Variants in OTC observed in about 807,000 individuals in gnomAD.
OTC encodes the protein ornithine transcarbamylase, mitochondrial.
OTC carries 3 observed loss-of-function variants against 30.3 expected under a neutral mutation model. The ratio of observed to expected loss-of-function variants is 0.10; its 90% CI spans 0.05 to 0.26. OTC has a LOEUF of 0.26. Ranked by LOEUF, OTC falls within the 10% of genes least tolerant of loss-of-function variation. The probability of loss-of-function intolerance (pLI) is 1.00; values close to 1 mark genes in which losing one functional copy is unlikely to be tolerated. For missense variants in OTC, 194 were observed against 260.3 expected (o/e 0.75, Z 1.75); for synonymous variants, 111 against 99.7 (o/e 1.11, Z -0.67).
chrX:38,359,604 A>C (rs1026119749), intron 1 of OTC, among the ~76,000 whole-genome samples: 8 of 110,010 alleles, frequency 7.3e-5, no homozygotes, highest in Non-Finnish European at 1.3e-4. Context: ...TATTTTTAGT[A>C]GAGACGGGGT....
At chrX:38,345,186 T>C in the OTC span, among the ~76,000 whole-genome samples, 1 of 112,190 alleles carries the variant, frequency 8.9e-6, no homozygotes, top group Non-Finnish European at 1.9e-5. Flanking sequence ...TTTGCAAAAT[T>C]ATGACAGACA....
chrX:38,403,487 A>C (rs2068499944), intron 5 of OTC, 131 bp from the exon 6 acceptor site: 29 of 671,790 alleles, frequency 4.3e-5, no homozygotes, highest in Non-Finnish European at 6.6e-5. Context: ...GTAATGCAAA[A>C]AAATTGGGAA....
intron 3 of OTC, among the ~76,000 whole-genome samples, chrX:38,374,170 A>G (rs1047986460): frequency 2.7e-5 from 3 of 112,210 alleles, no homozygotes; most frequent in African/African-American, 9.7e-5. Flanking sequence ...CTCAAAAAAA[A>G]GAAAAAAAGA....
At chrX:38,387,159 G>T (rs777556939) in intron 4 of OTC, among the ~76,000 whole-genome samples, 46 of 110,537 alleles carry the variant, frequency 4.2e-4, no homozygotes, top group Non-Finnish European at 7.4e-4. Flanking sequence ...TTATTTTTTT[G>T]CTGTTAAATT....
chrX:38,385,990 GGCAGGAGAATT>G (rs1569276314), intron 4 of OTC, among the ~76,000 whole-genome samples: 1 of 110,260 alleles, frequency 9.1e-6, no homozygotes, highest in Non-Finnish European at 1.9e-5. Flanking sequence ...GGGAGGCTGA[GGCAGGAGAATT>G]GCTTGAGCCC....
chrX:38,374,392 C>G (rs111450888), intron 3 of OTC, among the ~76,000 whole-genome samples: 208 of 109,878 alleles, frequency 1.9e-3, no homozygotes, highest in African/African-American at 6.5e-3. Context: ...GTATTACCAT[C>G]CAGACCTGGT....
At chrX:38,416,718 T>C (rs1303218215) in intron 9 of OTC, among the ~76,000 whole-genome samples, 3 of 112,352 alleles carry the variant, frequency 2.7e-5, no homozygotes, top group African/African-American at 6.5e-5. Flanking sequence ...TACAGTAAAA[T>C]ATATATTTGT....
At chrX:38,369,722 A>T in intron 2 of OTC, 74 bp from the exon 3 acceptor site, 1 of 521,177 alleles carries the variant, frequency 1.9e-6, no homozygotes, top group Admixed American at 3.9e-5. Flanking sequence ...CTTATTTTCT[A>T]ATAAAGAATA....
chrX:38,394,893 TG>T (rs199849856), intron 4 of OTC, among the ~76,000 whole-genome samples: 9 of 90,922 alleles, frequency 9.9e-5, no homozygotes, highest in South Asian at 4.4e-4. Context: ...AAGTAGTTTC[TG>T]GGGGGGGGCA....
At chrX:38,369,332 T>TA (rs1203938828) in intron 2 of OTC, among the ~76,000 whole-genome samples, 2 of 105,121 alleles carry the variant, frequency 1.9e-5, no homozygotes, top group African/African-American at 3.6e-5. Context: ...GTATAGTACA[T>TA]AAAAAAACAT....
At chrX:38,384,712 T>C (rs970255580) in intron 4 of OTC, among the ~76,000 whole-genome samples, 1 of 111,274 alleles carries the variant, frequency 9.0e-6, no homozygotes, top group East Asian at 2.8e-4. Context: ...TCATTGCTGG[T>C]CCAGCTGCTT....
intron 3 of OTC, among the ~76,000 whole-genome samples, chrX:38,370,210 C>CCTTT (rs1262331944): frequency 8.9e-6 from 1 of 112,434 alleles, no homozygotes; most frequent in Non-Finnish European, 1.9e-5. Flanking sequence ...TTCTAGCATG[C>CCTTT]AAAGAACATT....
intron 5 of OTC, 75 bp from the exon 6 acceptor site, chrX:38,403,543 A>G: frequency 9.2e-7 from 1 of 1,086,275 alleles, no homozygotes; most frequent in Non-Finnish European, 1.3e-6. Flanking sequence ...AAGACTATTT[A>G]TTTTAACCTT....
chrX:38,367,362 G>T lies in OTC; in HGVS notation c.149G>T (p.Gly50Val), dbSNP rs201802621. ...CTTCTCACTCTAAAAAACTTTACCG[G>T]AGAAGAAATTAAATATATGCTATGG... Reference protein sequence around the residue: ...RDLLTLKNFTGEEIKYMLWLS... With the variant: ...RDLLTLKNFTVEEIKYMLWLS... Residue 50 changes from glycine to valine, a missense_variant, in exon 2 of 10, where the codon GGA becomes GTA. By Grantham distance (109) the Gly-to-Val change is moderately radical. Coordinates refer to ENST00000039007, the MANE Select transcript of OTC (RefSeq NM_000531.6). 1.7e-6 allele frequency: 2 copies of T among 1,198,239 alleles called. No homozygotes were observed. Among genetic ancestry groups the T allele is most frequent in the Non-Finnish European group, 2.3e-6 (2 of 884,983 alleles).
the OTC span, among the ~76,000 whole-genome samples, chrX:38,346,451 G>C: frequency 8.9e-6 from 1 of 112,123 alleles, no homozygotes; most frequent in Non-Finnish European, 1.9e-5. Flanking sequence ...TCTACTCCTA[G>C]ATAGTTACCC....
intron 1 of OTC, among the ~76,000 whole-genome samples, chrX:38,364,150 T>A (rs1222925943): frequency 2.7e-5 from 3 of 111,585 alleles, no homozygotes; most frequent in African/African-American, 9.7e-5. Context: ...TAAATAAATA[T>A]AATAAAATAT....
chrX:38,403,727 C>G lies in OTC; in HGVS notation c.650C>G (p.Ala217Gly), dbSNP rs72558424. ...SAAKFGMHLQAATPKGYEPDA... is the reference protein window; with the variant it reads ...SAAKFGMHLQGATPKGYEPDA... ...GCGAAATTCGGAATGCACCTTCAGG[C>G]AGCTACTCCAAAGGTAGGGAAACTT... The change falls in exon 6 of 10, where the codon GCA becomes GGA. Residue 217 changes from alanine to glycine, a missense_variant. Physicochemically the swap from Ala to Gly is moderately conservative, Grantham distance 60. Coordinates refer to ENST00000039007, the MANE Select transcript of OTC (RefSeq NM_000531.6). The G allele has an allele frequency of 8.3e-7, 1 of 1,210,767 alleles. No homozygotes were observed. The highest frequency in any genetic ancestry group is 1.7e-5 in the African/African-American group (1 of 57,771).
intron 3 of OTC, among the ~76,000 whole-genome samples, chrX:38,373,300 A>G (rs2068331263): frequency 8.9e-6 from 1 of 112,166 alleles, no homozygotes; most frequent in African/African-American, 3.2e-5. Context: ...GGGATCATTC[A>G]GCATGCGCTC....
rs1440140895 is a variant in OTC at position 38,352,721 on chromosome X, T to G, written c.25T>G (p.Leu9Val). Residue 9 changes from leucine (L) to valine (V), a missense_variant, in exon 1 of 10, where the codon TTA (leucine) becomes GTA (valine). Coordinates refer to ENST00000039007, the MANE Select transcript of OTC (RefSeq NM_000531.6). The part of the protein sequence containing the change: MLFNLRIL[L>V]NNAAFRNGHN... ...GATGCTGTTTAATCTGAGGATCCTG[T>G]TAAACAATGCAGCTTTTAGAAATGG... 8.3e-7 allele frequency: 1 copy of G among 1,206,021 alleles called. No homozygotes were observed. Among genetic ancestry groups the G allele is most frequent in the East Asian group, 3.0e-5 (1 of 33,775 alleles).
Sources: allele counts gnomAD v4.1 joint callset (sites outside exome capture counted in the v4.1 genomes callset), GRCh38; gene constraint gnomAD v4.1.1; transcripts MANE v1.5; gene names NCBI Gene and HGNC (gene_info 2026-07-23, HGNC 2026-07-21).